Variants in LRRIQ3 observed in about 807,000 individuals in gnomAD.
LRRIQ3 encodes leucine-rich repeat and IQ domain-containing protein 3.
A neutral mutation model predicts 59.3 loss-of-function variants in LRRIQ3; 75 were observed. The ratio of observed to expected loss-of-function variants is 1.26; its 90% confidence interval spans 1.05 to 1.53. The LOEUF is 1.53. Ranked by LOEUF, LRRIQ3 falls within the 40% of genes most tolerant of loss-of-function variation. The pLI, the probability that LRRIQ3 is intolerant of heterozygous loss-of-function variation, is 0.00. For synonymous variants in LRRIQ3, 250 were observed against 231.3 expected (o/e 1.08, Z -0.73); for missense variants, 831 against 710.0 (o/e 1.17, Z -1.94).
chr1:74,044,570 GCAAA>G (rs1654144658), intron 6 of LRRIQ3, among the ~76,000 whole-genome samples: 1 of 152,038 alleles, frequency 6.6e-6, no homozygotes. Context: ...AGAAGAAAGA[GCAAA>G]CAAATTCAAA....
At chr1:74,189,915 C>A (rs191603782) in intron 1 of LRRIQ3, among the ~76,000 whole-genome samples, 1 of 152,050 alleles carries the variant, frequency 6.6e-6, no homozygotes, top group Admixed American at 6.6e-5. Context: ...ATACAGTAAG[C>A]ACTACAAAAT....
intron 3 of LRRIQ3, among the ~76,000 whole-genome samples, chr1:74,172,825 T>C (rs78713597): frequency 0.021 from 3,143 of 152,308 alleles, 104 homozygotes; most frequent in African/African-American, 0.071. Context: ...ATGACCTCCT[T>C]TGTCTTTTGT....
intron 6 of LRRIQ3, among the ~76,000 whole-genome samples, chr1:74,048,644 A>G (rs1034449660): frequency 2.0e-5 from 3 of 150,696 alleles, no homozygotes; most frequent in Admixed American, 6.7e-5. Flanking sequence ...TATAAAAGTT[A>G]TTATTCAAAC....
chr1:74,194,785 A>G (rs1175846367), intron 1 of LRRIQ3, among the ~76,000 whole-genome samples: 2 of 152,224 alleles, frequency 1.3e-5, no homozygotes, highest in East Asian at 1.9e-4. Flanking sequence ...GTTAGCTTTC[A>G]TAGAACAGAT....
intron 3 of LRRIQ3, among the ~76,000 whole-genome samples, chr1:74,175,748 T>C (rs1649599970): frequency 6.6e-6 from 1 of 152,176 alleles, no homozygotes; most frequent in South Asian, 2.1e-4. Context: ...TCCATCTTGC[T>C]GACATCACAC....
At chr1:74,087,383 T>TTTTTTTTTTTTTTTTTTTTTTTTC (rs1646338971) in intron 5 of LRRIQ3, among the ~76,000 whole-genome samples, 1 of 1,194 alleles carries the variant, frequency 8.4e-4, no homozygotes, top group African/African-American at 1.7e-3. Flanking sequence ...AATTTTATCT[T>TTTTTTTTTTTTTTTTTTTTTTTTC]TTTTTTTTTT....
At position 74,041,424 on chromosome 1, in the gene LRRIQ3, G is replaced by T. The variant is rs1654040689; in HGVS notation, c.1507C>A (p.Leu503Met). The T allele has an allele frequency of 6.2e-7, 1 of 1,613,622 alleles. No homozygotes were observed. Among genetic ancestry groups the T allele is most frequent in the Admixed American group, 1.7e-5 (1 of 59,960 alleles). The change falls in exon 7 of 8, where the codon CTG (leucine) becomes ATG (methionine). Residue 503 changes from leucine (L) to methionine (M), a missense_variant. By Grantham distance (15) the Leu-to-Met change is conservative (BLOSUM62 2). Coordinates refer to ENST00000354431, the MANE Select transcript of LRRIQ3 (RefSeq NM_001105659.2). ...YLEKARERKA[L>M]FLKEKSQKAS... The stretch of plus-strand genomic sequence containing the variant: ...TTTTGGGATTTTTCTTTTAGAAACA[G>T]AGCTTTTCTCTCTCTAGCTTTTTCA...
At chr1:74,180,528 G>C in intron 3 of LRRIQ3, 1 of 502,118 alleles carries the variant, frequency 2.0e-6, no homozygotes. Context: ...GTCTTTAAGT[G>C]CTGCCATTTC....
chr1:74,103,646 T>A (rs1486707489), intron 5 of LRRIQ3, among the ~76,000 whole-genome samples: 1 of 152,016 alleles, frequency 6.6e-6, no homozygotes, highest in Non-Finnish European at 1.5e-5. Context: ...AGTTCCACAT[T>A]TGCTAAATCT....
chr1:74,111,169 GTCT>G (rs1384190035), intron 4 of LRRIQ3, among the ~76,000 whole-genome samples: 1 of 151,834 alleles, frequency 6.6e-6, no homozygotes, highest in Non-Finnish European at 1.5e-5. Flanking sequence ...GGGAAAAGTA[GTCT>G]TCTGCAAATG....
Position 74,165,534 on chromosome 1 carries a change from T to C in LRRIQ3, c.574-9668A>G, listed in dbSNP as rs138618159. Among the ~76,000 whole-genome samples, 448 of 151,678 alleles carry C rather than the reference T, an allele frequency of 3.0e-3. 1 individual carries two copies. Among genetic ancestry groups the C allele is most frequent in the African/African-American group, 0.01 (422 of 41,514 alleles). On this transcript the variant is annotated intron_variant, in intron 3 of 7. Transcript: ENST00000354431. The stretch of plus-strand genomic sequence containing the variant: ...CATAGGTGATCATTTGATCTGCAAA[T>C]AGAGTTGTATTTCCTCTTTTCCAAT...
intron 1 of LRRIQ3, among the ~76,000 whole-genome samples, chr1:74,185,809 G>A (rs1047058765): frequency 5.3e-5 from 8 of 152,074 alleles, no homozygotes; most frequent in Middle Eastern, 3.4e-3. Flanking sequence ...CGGACGTGGT[G>A]GCGGGCGCCT....
intron 3 of LRRIQ3, among the ~76,000 whole-genome samples, chr1:74,179,658 A>G (rs1649859294): frequency 6.6e-6 from 1 of 151,974 alleles, no homozygotes; most frequent in Non-Finnish European, 1.5e-5. Context: ...AAAATACAAA[A>G]CATTTCAATG....
chr1:74,082,749 G>A (rs1179680794), intron 5 of LRRIQ3: 1 of 151,264 alleles, frequency 6.6e-6, no homozygotes, highest in Non-Finnish European at 1.5e-5. Flanking sequence ...TAACAAAGTA[G>A]CTATATATAT....
chr1:74,109,574 A>G, intron 4 of LRRIQ3, 21 bp from the exon 5 acceptor site: 2 of 1,532,212 alleles, frequency 1.3e-6, no homozygotes, highest in Non-Finnish European at 1.7e-6. Context: ...GGGGAGGGGA[A>G]AACTATTTGT....
chr1:74,060,267 T>A (rs903786892), intron 6 of LRRIQ3, among the ~76,000 whole-genome samples: 3 of 147,248 alleles, frequency 2.0e-5, no homozygotes, highest in Non-Finnish European at 4.5e-5. Flanking sequence ...CCTCTTCCTC[T>A]TCTTTCTCTT....
At chr1:74,069,363 T>C (rs1654956783) in intron 6 of LRRIQ3, among the ~76,000 whole-genome samples, 1 of 151,978 alleles carries the variant, frequency 6.6e-6, no homozygotes, top group East Asian at 1.9e-4. Flanking sequence ...AATCAAGAAA[T>C]TTGTATGTTA....
intron 4 of LRRIQ3, among the ~76,000 whole-genome samples, chr1:74,143,015 T>C (rs957103540): frequency 6.6e-6 from 1 of 152,060 alleles, no homozygotes; most frequent in Non-Finnish European, 1.5e-5. Flanking sequence ...GTACCACTTC[T>C]GAAAAATGGA....
In LRRIQ3 at chr1:74,041,239, AT is replaced by A; in HGVS notation, c.1691del (p.Asn564IlefsTer6). 6.3e-7 allele frequency: 1 copy of A among 1,583,598 alleles called. No homozygotes were observed. The highest frequency in any genetic ancestry group is 8.6e-7 in the Non-Finnish European group (1 of 1,168,294). On this transcript the variant is annotated frameshift_variant, in exon 7 of 8. Transcript: ENST00000354431. LOFTEE classifies it low-confidence loss of function (END_TRUNC). Reference sequence around the variant, plus strand: ...TAACTTTTTTCATTTCTTTAAGTAAATTCTTTCTATATTTTTCTGCTTTTAG... The same window carrying A: ...TAACTTTTTTCATTTCTTTAAGTAAATCTTTCTATATTTTTCTGCTTTTAG... Reference protein sequence around the residue: ...QKLKAEKYRKNLLKEMKKVRS... With the variant: ...QKLKAEKYRKXLLKEMKKVRS...
Sources: gnomAD v4.1 joint callset for allele counts (sites outside exome capture counted in the v4.1 genomes callset) on GRCh38, gnomAD v4.1.1 for gene constraint, MANE v1.5 for transcripts, NCBI Gene and HGNC (gene_info 2026-07-23, HGNC 2026-07-21) for gene names.